The following PHKB variants were observed in gnomAD, a reference collection of about 807,000 sequenced individuals.
PHKB encodes phosphorylase kinase regulatory subunit beta.
In PHKB, 122 loss-of-function variants were observed where a neutral mutation model predicts 152.1. The ratio of observed to expected loss-of-function variants is 0.80; its 90% confidence interval spans 0.69 to 0.93. The LOEUF is 0.93. Ranked by LOEUF, PHKB falls within the 40% of genes least tolerant of loss-of-function variation. The probability of loss-of-function intolerance (pLI) is 0.00; values close to 1 mark genes in which losing one functional copy is unlikely to be tolerated. For missense variants in PHKB, 1,304 were observed against 1,328.4 expected (o/e 0.98, Z 0.29); for synonymous variants, 436 against 464.9 (o/e 0.94, Z 0.80).
chr16:47,576,563 G>A (rs1971752930), intron 7 of PHKB, among the ~76,000 whole-genome samples: 1 of 152,210 alleles, frequency 6.6e-6, no homozygotes, highest in Non-Finnish European at 1.5e-5. Flanking sequence ...GGAGAAAAGT[G>A]TGCAAGTATC....
intron 7 of PHKB, among the ~76,000 whole-genome samples, chr16:47,558,244 A>C (rs1320331655): frequency 1.2e-5 from 1 of 80,564 alleles, no homozygotes; most frequent in Non-Finnish European, 2.3e-5. Context: ...GGGTCGGGGG[A>C]GGGGGGAGGG....
intron 8 of PHKB, 100 bp from the exon 9 acceptor site, chr16:47,587,568 A>G: frequency 1.3e-6 from 1 of 792,548 alleles, no homozygotes; most frequent in Admixed American, 2.0e-5. Flanking sequence ...CAAGATGCAG[A>G]CAATGTCAGT....
chr16:47,537,092 C>T (rs1216552673), intron 6 of PHKB, among the ~76,000 whole-genome samples: 2 of 152,216 alleles, frequency 1.3e-5, no homozygotes, highest in African/African-American at 4.8e-5. Context: ...AATTGTAATA[C>T]TCTGTCAGAA....
intron 13 of PHKB, among the ~76,000 whole-genome samples, chr16:47,602,337 T>C (rs566205301): frequency 6.6e-6 from 1 of 152,192 alleles, no homozygotes; most frequent in Non-Finnish European, 1.5e-5. Context: ...CAAAGTGTTA[T>C]ATATATACGA....
At chr16:47,622,371 C>G (rs1159771576) in intron 14 of PHKB, among the ~76,000 whole-genome samples, 2 of 152,122 alleles carry the variant, frequency 1.3e-5, no homozygotes, top group Non-Finnish European at 1.5e-5. Context: ...TATATCCTGA[C>G]AAGTTGCCCC....
intron 16 of PHKB, among the ~76,000 whole-genome samples, chr16:47,648,143 ATACT>A (rs1231261657): frequency 1.3e-5 from 2 of 152,194 alleles, no homozygotes; most frequent in East Asian, 1.9e-4. Context: ...TTGGTGGGAA[ATACT>A]TAAAGGTGGA....
intron 9 of PHKB, among the ~76,000 whole-genome samples, chr16:47,588,676 T>G (rs1287715311): frequency 6.6e-6 from 1 of 152,250 alleles, no homozygotes; most frequent in African/African-American, 2.4e-5. Flanking sequence ...ATTAATATTT[T>G]GACATTTGAG....
At chr16:47,565,875 T>C (rs1382938363) in intron 7 of PHKB, 4 of 1,217,670 alleles carry the variant, frequency 3.3e-6, no homozygotes, top group Non-Finnish European at 4.7e-6. Flanking sequence ...AGAGGAATTA[T>C]CTTCCTTAGG....
chr16:47,581,976 G>A (rs1971855801), intron 8 of PHKB, among the ~76,000 whole-genome samples: 1 of 152,206 alleles, frequency 6.6e-6, no homozygotes, highest in Non-Finnish European at 1.5e-5. Flanking sequence ...CACTATGCGC[G>A]GCCGACTCTT....
intron 5 of PHKB, among the ~76,000 whole-genome samples, chr16:47,512,779 A>G (rs1970532091): frequency 6.6e-6 from 1 of 152,132 alleles, no homozygotes; most frequent in Non-Finnish European, 1.5e-5. Flanking sequence ...TTTTCTGCTC[A>G]TCATTTGGTT....
At chr16:47,669,806 T>C (rs1006089947) in intron 26 of PHKB, among the ~76,000 whole-genome samples, 6 of 152,194 alleles carry the variant, frequency 3.9e-5, no homozygotes, top group African/African-American at 1.4e-4. Flanking sequence ...CAGATAAAAA[T>C]TTGGTCCTTT....
In PHKB at chr16:47,699,817, G is replaced by T; in HGVS notation, c.*451G>T. The T allele has an allele frequency of 5.1e-6, 1 of 194,536 alleles. No homozygotes were observed. Among genetic ancestry groups the T allele is most frequent in the Non-Finnish European group, 1.1e-5 (1 of 92,724 alleles). The allele number at this position is 194,536 out of a possible 1,614,324, so 12.1% of individuals were successfully genotyped here. A position where few individuals can be genotyped will look rare whatever the true frequency, so the allele number is the denominator to read the frequency against. On this transcript the variant is annotated 3_prime_UTR_variant, in exon 31 of 31. Transcript: ENST00000323584. ...TAGTGGTATTGTCATGCTAAAAGAT[G>T]TTAATATACATCATAAAAGCAAAGT... is the stretch of plus-strand genomic sequence containing the variant.
At chr16:47,463,662 T>C (rs931233461) in intron 1 of PHKB, 6 of 458,702 alleles carry the variant, frequency 1.3e-5, no homozygotes, top group Non-Finnish European at 2.4e-5. Flanking sequence ...TACTTTTATG[T>C]AATGTCTAAT....
chr16:47,509,997 T>C (rs1436583556), intron 4 of PHKB, among the ~76,000 whole-genome samples: 1 of 152,212 alleles, frequency 6.6e-6, no homozygotes, highest in African/African-American at 2.4e-5. Context: ...TTGGTGTCAA[T>C]ACTTTGTTAT....
chr16:47,661,961 A>G (rs912898846), intron 23 of PHKB, among the ~76,000 whole-genome samples, 161 bp downstream of exon 23: 1 of 152,180 alleles, frequency 6.6e-6, no homozygotes, highest in Admixed American at 6.5e-5. Flanking sequence ...CATACCCCCT[A>G]GAGTGGAGGA....
chr16:47,596,689 T>C (rs1475963412), intron 13 of PHKB, among the ~76,000 whole-genome samples, 158 bp downstream of exon 13: 3 of 152,178 alleles, frequency 2.0e-5, no homozygotes, highest in Non-Finnish European at 4.4e-5. Flanking sequence ...TATTAATATA[T>C]CTATTTCACT....
rs1263431174 is a variant in PHKB at position 47,550,983 on chromosome 16, G to T, written c.710+3435G>T. Among the ~76,000 whole-genome samples the T allele has an allele frequency of 4.6e-5, 7 of 152,288 alleles. No individual in the cohort carries two copies. The South Asian group carries it at 1.2e-3, about 27-fold the overall frequency. On this transcript the variant is annotated intron_variant, in intron 7 of 30. Transcript: ENST00000323584. Reference sequence around the variant, plus strand: ...TCCAGCAATTTATCCATTTCTTCTAGATTTTCTAGTTTATTTGCGTAGAGG... The same window carrying T: ...TCCAGCAATTTATCCATTTCTTCTATATTTTCTAGTTTATTTGCGTAGAGG...
chr16:47,487,490 A>G (rs917756593), intron 1 of PHKB, among the ~76,000 whole-genome samples: 4 of 151,736 alleles, frequency 2.6e-5, no homozygotes, highest in Non-Finnish European at 5.9e-5. Flanking sequence ...GATTTGTTAC[A>G]TGGGAAAATT....
chr16:47,570,866 A>C (rs1971646518), intron 7 of PHKB, among the ~76,000 whole-genome samples: 1 of 151,928 alleles, frequency 6.6e-6, no homozygotes, highest in African/African-American at 2.4e-5. Flanking sequence ...CTGTTTTTTC[A>C]TATTGCCAGA....
Sources: allele counts gnomAD v4.1 joint callset (sites outside exome capture counted in the v4.1 genomes callset), GRCh38; gene constraint gnomAD v4.1.1; transcripts MANE v1.5; gene names NCBI Gene and HGNC (gene_info 2026-07-23, HGNC 2026-07-21).